Variants in SELENOI observed in about 807,000 individuals in gnomAD.
The protein encoded by SELENOI is selenoprotein I, also known as ethanolaminephosphotransferase 1.
A neutral mutation model predicts 50.7 loss-of-function variants in SELENOI; 24 were observed. The ratio of observed to expected loss-of-function variants is 0.47; its 90% confidence interval spans 0.34 to 0.67. SELENOI has a LOEUF of 0.67. SELENOI is among the 30% of genes least tolerant of loss of function. The probability of loss-of-function intolerance (pLI) is 0.01; values close to 1 mark genes in which losing one functional copy is unlikely to be tolerated. For missense variants in SELENOI, 352 were observed against 461.4 expected, an observed-to-expected ratio of 0.76 and a Z score of 2.17; for synonymous variants, 155 against 170.2, an observed-to-expected ratio of 0.91 and a Z score of 0.70.
intron 1 of SELENOI, among the ~76,000 whole-genome samples, chr2:26,349,034 A>G (rs1417435165): frequency 7.5e-5 from 5 of 66,790 alleles, no homozygotes; most frequent in African/African-American, 1.8e-4. Context: ...TTTTTTTTGG[A>G]GATGGAGGTT....
In SELENOI at chr2:26,375,087, C is replaced by T. The variant is rs370829123; in HGVS notation, c.621C>T (p.Ala207=). 2 of 1,613,390 alleles carry T rather than the reference C, an allele frequency of 1.2e-6. No individual in the cohort carries two copies. The highest frequency in any genetic ancestry group is 1.7e-6 in the Non-Finnish European group (2 of 1,179,552). ...TGACTGCAGTTGTGGGAGTTGAGGC[C>T]TGGTATGAACCTTTCCTGTTTAATT... is the stretch of plus-strand genomic sequence containing the variant. ...YIVTAVVGVE[A]WYEPFLFNFL... is the part of the protein sequence containing the mutation. The change falls in exon 6 of 10, where the codon GCC becomes GCT. Residue 207 remains alanine, a synonymous_variant. Coordinates refer to ENST00000260585, the MANE Select transcript of SELENOI (RefSeq NM_033505.4).
chr2:26,383,441 A>G (rs1572337176), intron 7 of SELENOI, 94 bp downstream of exon 7: 11 of 883,966 alleles, frequency 1.2e-5, no homozygotes, highest in South Asian at 3.3e-5. Flanking sequence ...TGGAGTCAGG[A>G]CATTTTGAAA....
chr2:26,386,786 T>A (rs1413326736), intron 9 of SELENOI, among the ~76,000 whole-genome samples: 1 of 152,250 alleles, frequency 6.6e-6, no homozygotes, highest in Non-Finnish European at 1.5e-5. Flanking sequence ...TGTGAGGAAT[T>A]AGTTATTACT....
chr2:26,383,248 G>A, intron 6 of SELENOI, 51 bp from the exon 7 acceptor site: 2 of 1,380,798 alleles, frequency 1.4e-6, no homozygotes, highest in Non-Finnish European at 2.0e-6. Context: ...CAGTGGTAAT[G>A]TAATAATTGC....
At chr2:26,355,155 T>G (rs1677039508) in intron 1 of SELENOI, among the ~76,000 whole-genome samples, 1 of 152,194 alleles carries the variant, frequency 6.6e-6, no homozygotes, top group Non-Finnish European at 1.5e-5. Flanking sequence ...TAAATAAAAC[T>G]TGACATTTGT....
At chr2:26,366,427 A>G (rs1454518425) in intron 3 of SELENOI, among the ~76,000 whole-genome samples, 1 of 152,184 alleles carries the variant, frequency 6.6e-6, no homozygotes, top group East Asian at 1.9e-4. Context: ...AAGATTATTT[A>G]CTTAGCTATT....
intron 8 of SELENOI, 122 bp from the exon 9 acceptor site, chr2:26,386,232 A>T (rs942394718): frequency 3.0e-6 from 3 of 993,834 alleles, no homozygotes; most frequent in Non-Finnish European, 4.4e-6. Flanking sequence ...AACTTAGATA[A>T]TGTAAGTGTG....
At chr2:26,361,958 G>A (rs1356796190) in intron 1 of SELENOI, among the ~76,000 whole-genome samples, 1 of 152,068 alleles carries the variant, frequency 6.6e-6, no homozygotes. Flanking sequence ...CACCTAGCCA[G>A]CCCATCATCA....
chr2:26,386,868 A>G (rs907283868), intron 9 of SELENOI, among the ~76,000 whole-genome samples: 3 of 152,256 alleles, frequency 2.0e-5, no homozygotes, highest in Non-Finnish European at 2.9e-5. Flanking sequence ...ATATGGGATC[A>G]GATAATCACA....
intron 6 of SELENOI, among the ~76,000 whole-genome samples, chr2:26,380,437 C>T (rs1048084433): frequency 1.3e-5 from 2 of 152,196 alleles, no homozygotes; most frequent in African/African-American, 4.8e-5. Flanking sequence ...AGCGATCACT[C>T]CACAGTGGTC....
rs761970999 is a variant in SELENOI, at chr2:26,384,978, T to A, written c.751T>A (p.Leu251Met). The A allele has an allele frequency of 6.9e-6, 11 of 1,605,172 alleles. No individual in the cohort carries two copies. The South Asian group carries it at 1.1e-4, about 16-fold the overall frequency. Residue 251 changes from leucine (L) to methionine (M), a missense_variant, in exon 8 of 10, where the codon TTG becomes ATG. Physicochemically the swap from Leu to Met is conservative, Grantham distance 15 (BLOSUM62 2). Coordinates refer to ENST00000260585, the MANE Select transcript of SELENOI (RefSeq NM_033505.4). ...NFFRSYKNNTLKLNSVYEAMV... is the reference protein window; with the variant it reads ...NFFRSYKNNTMKLNSVYEAMV... ...TTCCAGAAGCTATAAAAATAACACC[T>A]TGAAACTCAATTCAGTCTATGAAGC...
rs1338416569 is a variant in SELENOI at position 26,392,115 on chromosome 2, G to A, written c.*3012G>A. On this transcript the variant is annotated 3_prime_UTR_variant, in exon 10 of 10. Transcript: ENST00000260585. Reference sequence around the variant, plus strand: ...ATCATGTTATTTATTCTAATATAGAGGCATTGAGAGGAGGGGAGTGTATGT... The same window carrying A: ...ATCATGTTATTTATTCTAATATAGAAGCATTGAGAGGAGGGGAGTGTATGT... 1 of 152,120 alleles carries A rather than the reference G, an allele frequency of 6.6e-6. No individual in the cohort carries two copies. The highest frequency in any genetic ancestry group is 1.5e-5 in the Non-Finnish European group (1 of 68,008). 9.4% of individuals were successfully genotyped at this position (152,120 alleles called of 1,614,324 possible).
At chr2:26,382,431 G>GA (rs1482338751) in intron 6 of SELENOI, among the ~76,000 whole-genome samples, 2 of 152,052 alleles carry the variant, frequency 1.3e-5, no homozygotes, top group Non-Finnish European at 1.5e-5. Context: ...AGTCAGGAAT[G>GA]AAAAAACGAT....
At chr2:26,376,238 C>CT (rs1261789308) in intron 6 of SELENOI, among the ~76,000 whole-genome samples, 1 of 152,038 alleles carries the variant, frequency 6.6e-6, no homozygotes, top group Non-Finnish European at 1.5e-5. Context: ...GTGGTTTGGG[C>CT]TTTTTTCTGT....
intron 2 of SELENOI, 114 bp from the exon 3 acceptor site, chr2:26,364,718 C>T (rs1677251171): frequency 1.4e-6 from 1 of 695,420 alleles, no homozygotes; most frequent in East Asian, 2.8e-5. Context: ...ATAACTTCTC[C>T]ATATGATCTT....
intron 6 of SELENOI, 77 bp from the exon 7 acceptor site, chr2:26,383,222 T>A (rs1677744669): frequency 9.3e-7 from 1 of 1,074,326 alleles, no homozygotes; most frequent in East Asian, 3.0e-5. Flanking sequence ...TCTAAAAAAA[T>A]TTGTTTTGCA....
At chr2:26,387,005 C>A (rs564773040) in intron 9 of SELENOI, among the ~76,000 whole-genome samples, 1 of 152,260 alleles carries the variant, frequency 6.6e-6, no homozygotes, top group South Asian at 2.1e-4. Flanking sequence ...GCCCAGTTTG[C>A]TAAGCAGTTG....
rs565981041 is a variant in SELENOI, at chr2:26,363,355, G to A, written c.58-947G>A. Among the ~76,000 whole-genome samples the A allele has an allele frequency of 1.6e-4, 24 of 152,280 alleles. No individual in the cohort carries two copies. In the South Asian group the frequency reaches 2.3e-3, roughly 14 times the overall value. On this transcript the variant is annotated intron_variant, in intron 1 of 9. Transcript: ENST00000260585. ...AGGTCTCACAGGTAGTAAGTGTATC[G>A]TAATAGTATCAAAAGGAAACACAGA...
chr2:26,371,131 G>T (rs1677428961), intron 4 of SELENOI, among the ~76,000 whole-genome samples: 1 of 148,640 alleles, frequency 6.7e-6, no homozygotes, highest in Non-Finnish European at 1.5e-5. Flanking sequence ...CCTCCCGGAC[G>T]GGGCGGCTGG....
Sources: allele counts gnomAD v4.1 joint callset (sites outside exome capture counted in the v4.1 genomes callset), GRCh38; gene constraint gnomAD v4.1.1; transcripts MANE v1.5; gene names NCBI Gene and HGNC (gene_info 2026-07-23, HGNC 2026-07-21).